The following ELMO1 variants were observed in gnomAD, a reference collection of about 807,000 sequenced individuals.
The protein encoded by ELMO1 is engulfment and cell motility 1, also known as engulfment and cell motility protein 1.
ELMO1 carries 26 observed loss-of-function variants against 98.9 expected under a neutral mutation model. That is an observed-to-expected ratio of 0.26 (90% confidence interval 0.19 to 0.36). ELMO1 has a LOEUF of 0.36. Ranked by LOEUF, ELMO1 falls within the 10% of genes least tolerant of loss-of-function variation. The pLI is 1.00. For missense variants in ELMO1, 627 were observed against 935.2 expected, an observed-to-expected ratio of 0.67 and a Z score of 4.30; for synonymous variants, 346 against 346.0, an observed-to-expected ratio of 1.00 and a Z score of 0.00.
At chr7:37,366,700 C>T (rs1296204722) in intron 1 of ELMO1, among the ~76,000 whole-genome samples, 1 of 152,208 alleles carries the variant, frequency 6.6e-6, no homozygotes, top group Non-Finnish European at 1.5e-5. Context: ...AATCTCCCCC[C>T]TGTAGCATCA....
intron 1 of ELMO1, among the ~76,000 whole-genome samples, chr7:37,401,507 T>C (rs1270981697): frequency 6.6e-6 from 1 of 152,072 alleles, no homozygotes; most frequent in Non-Finnish European, 1.5e-5. Flanking sequence ...CAAGACTGGG[T>C]AATTTATAAA....
chr7:37,188,443 C>A (rs1415285626), intron 13 of ELMO1, among the ~76,000 whole-genome samples: 2 of 36,192 alleles, frequency 5.5e-5, no homozygotes, highest in African/African-American at 2.1e-4. Flanking sequence ...CACACACACA[C>A]ACACACACGC....
chr7:37,195,915 G>T (rs1422865422), intron 13 of ELMO1, among the ~76,000 whole-genome samples: 1 of 152,208 alleles, frequency 6.6e-6, no homozygotes, highest in East Asian at 1.9e-4. Context: ...ATATTAAAGG[G>T]CTGGGGGGAT....
intron 10 of ELMO1, among the ~76,000 whole-genome samples, chr7:37,218,822 T>C (rs938573872): frequency 6.6e-6 from 1 of 152,248 alleles, no homozygotes; most frequent in African/African-American, 2.4e-5. Context: ...TGGTTCTGCC[T>C]CTGGGAATAT....
intron 1 of ELMO1, among the ~76,000 whole-genome samples, chr7:37,354,437 G>A (rs1322010179): frequency 6.6e-6 from 1 of 152,206 alleles, no homozygotes; most frequent in Non-Finnish European, 1.5e-5. Flanking sequence ...GCTGAGAGGT[G>A]AGAGGAGGGC....
chr7:37,278,347 A>G (rs1335812269), intron 4 of ELMO1, among the ~76,000 whole-genome samples: 1 of 152,068 alleles, frequency 6.6e-6, no homozygotes, highest in Non-Finnish European at 1.5e-5. Flanking sequence ...AAAGGCCTTA[A>G]AAACAGAGTT....
At chr7:36,955,092 G>A (rs1423649179) in intron 16 of ELMO1, among the ~76,000 whole-genome samples, 2 of 152,166 alleles carry the variant, frequency 1.3e-5, no homozygotes, top group Non-Finnish European at 1.5e-5. Flanking sequence ...TGCCTCACAC[G>A]TTGTATCTTA....
chr7:37,236,418 T>C (rs764965930), intron 7 of ELMO1, among the ~76,000 whole-genome samples: 10 of 152,056 alleles, frequency 6.6e-5, no homozygotes, highest in Non-Finnish European at 1.2e-4. Context: ...TAAGTGAGAG[T>C]AAAGCTTTTT....
chr7:36,920,756 G>A (rs189972375), intron 16 of ELMO1, among the ~76,000 whole-genome samples: 1 of 152,130 alleles, frequency 6.6e-6, no homozygotes, highest in South Asian at 2.1e-4. Flanking sequence ...TGACCACCTT[G>A]TGTCTCCTGA....
At chr7:37,032,553 T>C (rs1283633201) in intron 15 of ELMO1, among the ~76,000 whole-genome samples, 3 of 152,152 alleles carry the variant, frequency 2.0e-5, no homozygotes, top group Non-Finnish European at 4.4e-5. Context: ...GTTGATAAAA[T>C]GGCTGGTTAG....
chr7:37,283,548 T>C (rs1797246726), intron 4 of ELMO1, among the ~76,000 whole-genome samples: 1 of 152,250 alleles, frequency 6.6e-6, no homozygotes, highest in African/African-American at 2.4e-5. Flanking sequence ...GATGTGAATC[T>C]TGGACTTGGC....
intron 4 of ELMO1, among the ~76,000 whole-genome samples, chr7:37,308,123 A>T (rs916767417): frequency 2.0e-5 from 3 of 151,986 alleles, no homozygotes; most frequent in Admixed American, 6.5e-5. Context: ...AAATAAATAA[A>T]TAATTAATTA....
At chr7:36,994,755 C>T (rs545477976) in intron 16 of ELMO1, among the ~76,000 whole-genome samples, 29 of 152,344 alleles carry the variant, frequency 1.9e-4, no homozygotes, top group African/African-American at 6.5e-4. Context: ...TGCAATGTGG[C>T]TTACTTTCTT....
chr7:37,005,982 A>G (rs1393087764), intron 16 of ELMO1, among the ~76,000 whole-genome samples: 1 of 152,128 alleles, frequency 6.6e-6, no homozygotes, highest in Non-Finnish European at 1.5e-5. Context: ...CCCATCTCAC[A>G]GATGAGGAAT....
chr7:37,075,662 T>A (rs941101211), intron 15 of ELMO1, among the ~76,000 whole-genome samples: 15 of 152,104 alleles, frequency 9.9e-5, no homozygotes, highest in African/African-American at 3.1e-4. Flanking sequence ...ATAGGAAATG[T>A]CACTCATTCT....
intron 2 of ELMO1, among the ~76,000 whole-genome samples, chr7:37,329,308 T>C (rs888761646): frequency 4.6e-5 from 7 of 152,214 alleles, no homozygotes; most frequent in African/African-American, 1.2e-4. Context: ...ATTTATGGGG[T>C]ATAAAGTGAT....
chr7:36,976,504 C>T (rs931690885), intron 16 of ELMO1, among the ~76,000 whole-genome samples: 4 of 152,152 alleles, frequency 2.6e-5, no homozygotes, highest in Non-Finnish European at 4.4e-5. Context: ...AATTTTGATA[C>T]ATAATTTCCA....
At chr7:37,319,020 G>A (rs553722413) in intron 2 of ELMO1, among the ~76,000 whole-genome samples, 1 of 152,194 alleles carries the variant, frequency 6.6e-6, no homozygotes, top group Non-Finnish European at 1.5e-5. Context: ...TCTAATTCCA[G>A]ATTTCTTTTC....
intron 16 of ELMO1, among the ~76,000 whole-genome samples, chr7:36,935,284 G>T (rs1029892587): frequency 2.0e-5 from 3 of 152,104 alleles, no homozygotes; most frequent in East Asian, 1.9e-4. Flanking sequence ...CTGCCATGAT[G>T]GTGAGGCCTC....
Sources: gnomAD v4.1 joint callset for allele counts (sites outside exome capture counted in the v4.1 genomes callset) on GRCh38, gnomAD v4.1.1 for gene constraint, MANE v1.5 for transcripts, NCBI Gene and HGNC (gene_info 2026-07-23, HGNC 2026-07-21) for gene names.